Variants in MCU observed in about 807,000 individuals in gnomAD.
MCU encodes mitochondrial calcium uniporter.
MCU carries 12 observed loss-of-function variants against 45.2 expected under a neutral mutation model. That is an observed-to-expected ratio of 0.27 (90% CI 0.17 to 0.43). The LOEUF is 0.43. MCU is among the 20% of genes least tolerant of loss of function. MCU has a pLI of 1.00. For synonymous variants in MCU, 160 were observed against 165.1 expected, an observed-to-expected ratio of 0.97 and a Z score of 0.24; for missense variants, 324 against 436.7, an observed-to-expected ratio of 0.74 and a Z score of 2.30.
chr10:72,777,738 C>T (rs1459517463), intron 1 of MCU, among the ~76,000 whole-genome samples: 1 of 152,184 alleles, frequency 6.6e-6, no homozygotes, highest in Non-Finnish European at 1.5e-5. Context: ...GCAAAGGAAA[C>T]AGTCAACCTA....
chr10:72,693,372 C>A (rs1186226972), intron 1 of MCU, among the ~76,000 whole-genome samples: 1 of 152,074 alleles, frequency 6.6e-6, no homozygotes, highest in African/African-American at 2.4e-5. Flanking sequence ...GTTTTATTTG[C>A]TGGGGCTGAG....
At chr10:72,747,379 C>T (rs200535791) in intron 1 of MCU, among the ~76,000 whole-genome samples, 281 of 152,146 alleles carry the variant, frequency 1.8e-3, no homozygotes, top group African/African-American at 6.5e-3. Flanking sequence ...CTTTTCTTTT[C>T]GTTGTTTTAA....
chr10:72,843,971 G>C (rs1243675400), intron 2 of MCU, among the ~76,000 whole-genome samples: 1 of 152,158 alleles, frequency 6.6e-6, no homozygotes, highest in Non-Finnish European at 1.5e-5. Flanking sequence ...TAGATATTCT[G>C]TCAGGTGCAG....
chr10:72,743,728 G>T (rs1478288607), intron 1 of MCU, among the ~76,000 whole-genome samples: 4 of 152,138 alleles, frequency 2.6e-5, no homozygotes, highest in African/African-American at 4.8e-5. Context: ...CTAGAGGGGT[G>T]GATGCTTTCA....
intron 1 of MCU, among the ~76,000 whole-genome samples, chr10:72,744,906 AC>A (rs1397039303): frequency 6.6e-6 from 1 of 151,824 alleles, no homozygotes; most frequent in Non-Finnish European, 1.5e-5. Flanking sequence ...TGTTTTTTAA[AC>A]CTTTGAATGT....
chr10:72,814,582 A>G (rs1322798890), intron 1 of MCU, among the ~76,000 whole-genome samples: 3 of 152,198 alleles, frequency 2.0e-5, no homozygotes, highest in Admixed American at 6.5e-5. Context: ...ATAGAAAAGA[A>G]GTCCATTATT....
chr10:72,827,588 A>T (rs550966964), intron 1 of MCU, among the ~76,000 whole-genome samples: 1 of 152,192 alleles, frequency 6.6e-6, no homozygotes, highest in East Asian at 1.9e-4. Flanking sequence ...CTGTTTCTAG[A>T]TAGTTGTGGT....
intron 2 of MCU, among the ~76,000 whole-genome samples, chr10:72,845,466 A>G (rs999381154): frequency 6.6e-6 from 1 of 152,186 alleles, no homozygotes; most frequent in African/African-American, 2.4e-5. Context: ...AATGGGCCAC[A>G]TATGTGATGT....
intron 1 of MCU, among the ~76,000 whole-genome samples, chr10:72,820,535 G>A (rs577544746): frequency 1.3e-5 from 2 of 149,912 alleles, no homozygotes; most frequent in South Asian, 2.1e-4. Context: ...TTTCCGAAAC[G>A]GAGTCTCACT....
In MCU at chr10:72,708,989, C is replaced by T. The variant is rs376983126; in HGVS notation, c.150+16688C>T. 3.1e-3 allele frequency among the ~76,000 whole-genome samples: 473 copies of T among 151,780 alleles called. 2 individuals carry two copies. Among genetic ancestry groups the T allele is most frequent in the African/African-American group, 0.011 (440 of 41,382 alleles). On this transcript the variant is annotated intron_variant, in intron 1 of 7. Transcript: ENST00000373053. ...TACCACTGTACTCCAGCCTGGGTGA[C>T]AGAGTGAAATACCCTATCTCTAAAA...
At chr10:72,824,703 T>G (rs894002387) in intron 1 of MCU, among the ~76,000 whole-genome samples, 1 of 152,220 alleles carries the variant, frequency 6.6e-6, no homozygotes, top group South Asian at 2.1e-4. Context: ...TGGTATGAGT[T>G]TCACACTCAA....
chr10:72,744,913 A>G (rs922068295), intron 1 of MCU, among the ~76,000 whole-genome samples: 8 of 152,072 alleles, frequency 5.3e-5, no homozygotes, highest in Admixed American at 1.3e-4. Context: ...TAAACCTTTG[A>G]ATGTTTAGTA....
chr10:72,756,017 T>C (rs2132716402), intron 1 of MCU, among the ~76,000 whole-genome samples: 1 of 152,182 alleles, frequency 6.6e-6, no homozygotes, highest in South Asian at 2.1e-4. Context: ...CTAATTGTTT[T>C]CTTTTACATG....
chr10:72,693,692 G>A (rs949045209), intron 1 of MCU, among the ~76,000 whole-genome samples: 5 of 152,100 alleles, frequency 3.3e-5, no homozygotes, highest in Non-Finnish European at 5.9e-5. Flanking sequence ...TTGGCATACT[G>A]GCATATTGCT....
chr10:72,724,697 G>A (rs549862137), intron 1 of MCU, among the ~76,000 whole-genome samples: 2 of 152,298 alleles, frequency 1.3e-5, no homozygotes, highest in Admixed American at 1.3e-4. Flanking sequence ...ATGAAGGTTA[G>A]ATTAGATTTA....
chr10:72,862,276 C>T (rs773075154), intron 4 of MCU, among the ~76,000 whole-genome samples: 1 of 152,116 alleles, frequency 6.6e-6, no homozygotes, highest in Non-Finnish European at 1.5e-5. Flanking sequence ...CCACCGCACC[C>T]GGCCGAGTTG....
chr10:72,717,931 C>T (rs1319225955), intron 1 of MCU, among the ~76,000 whole-genome samples: 1 of 152,142 alleles, frequency 6.6e-6, no homozygotes, highest in Non-Finnish European at 1.5e-5. Context: ...AAAGATCTTA[C>T]ACAGAATCCC....
intron 2 of MCU, among the ~76,000 whole-genome samples, chr10:72,848,677 G>A (rs2132853609): frequency 6.6e-6 from 1 of 152,246 alleles, no homozygotes; most frequent in Non-Finnish European, 1.5e-5. Flanking sequence ...GAGCCTTCTT[G>A]AAGGCTGGCT....
chr10:72,813,443 G>GCT (rs1329033239), intron 1 of MCU, among the ~76,000 whole-genome samples: 8 of 137,402 alleles, frequency 5.8e-5, no homozygotes, highest in Admixed American at 3.7e-4. Flanking sequence ...TTAAATACCA[G>GCT]CTCTCTCTTT....
Sources: gnomAD v4.1 joint callset for allele counts (sites outside exome capture counted in the v4.1 genomes callset) on GRCh38, gnomAD v4.1.1 for gene constraint, MANE v1.5 for transcripts, NCBI Gene and HGNC (gene_info 2026-07-23, HGNC 2026-07-21) for gene names.